The following ROBO2 variants were observed in gnomAD, a reference collection of about 807,000 sequenced individuals.
The protein encoded by ROBO2 is roundabout guidance receptor 2.
In ROBO2, 53 loss-of-function variants were observed where a neutral mutation model predicts 160.8. That is an observed-to-expected ratio of 0.33 (90% CI 0.26 to 0.41). The LOEUF (loss-of-function observed/expected upper bound fraction) is 0.41, where lower values mean the gene tolerates loss of function less well. Ranked by LOEUF, ROBO2 falls within the 10% of genes least tolerant of loss-of-function variation. The pLI, the probability that ROBO2 is intolerant of heterozygous loss-of-function variation, is 1.00. For missense variants in ROBO2, 1,577 were observed against 1,722.4 expected (o/e 0.92, Z 1.49); for synonymous variants, 664 against 611.7 (o/e 1.09, Z -1.26).
rs2149154042 is a variant in ROBO2 at position 76,948,114 on chromosome 3, A to G, written c.110-149900A>G. On this transcript the variant is annotated intron_variant, in intron 2 of 26. Transcript: ENST00000487694. ...TATTTATCCCACATCCTGGAATGAT[A>G]ATTTAGGCAAACACAAAATTTTAAG... Among the ~76,000 whole-genome samples, 2 of 152,302 alleles carry G rather than the reference A, an allele frequency of 1.3e-5. 1 individual carries two copies. Among genetic ancestry groups the G allele is most frequent in the South Asian group, 4.1e-4 (2 of 4,830 alleles).
chr3:76,907,864 G>A (rs913751008), intron 2 of ROBO2, among the ~76,000 whole-genome samples: 7 of 151,010 alleles, frequency 4.6e-5, no homozygotes, highest in African/African-American at 1.5e-4. Flanking sequence ...GTTTGAGATG[G>A]AGTCTTGCTC....
chr3:77,451,484 T>C (rs1180793757), intron 2 of ROBO2, among the ~76,000 whole-genome samples: 1 of 152,124 alleles, frequency 6.6e-6, no homozygotes, highest in Non-Finnish European at 1.5e-5. Flanking sequence ...TTAACGAAGG[T>C]CCATAGGGTA....
At position 76,272,967 on chromosome 3, in the gene ROBO2, TATAA is replaced by T. The variant is rs1559706715; in HGVS notation, c.109+335367_109+335370del. On this transcript the variant is annotated intron_variant, in intron 2 of 26. Coordinates refer to the ROBO2 transcript ENST00000487694. ...ATAAAATATATAATATATATTTATA[TATAA>T]AATATATATAATATATAATATATAA... Among the ~76,000 whole-genome samples the T allele has an allele frequency of 3.7e-5, 3 of 80,826 alleles. 1 individual carries two copies. The highest frequency in any genetic ancestry group is 6.7e-5 in the Non-Finnish European group (3 of 44,608). 53.0% of individuals were successfully genotyped at this position (80,826 alleles called of 152,430 possible). A position where few individuals can be genotyped will look rare whatever the true frequency, so the allele number is the denominator to read the frequency against.
intron 24 of ROBO2, among the ~76,000 whole-genome samples, chr3:77,640,586 G>A (rs1335930002): frequency 1.3e-5 from 2 of 152,080 alleles, no homozygotes; most frequent in Admixed American, 6.6e-5. Flanking sequence ...TCATTTTCTT[G>A]TCTAAAAACA....
intron 2 of ROBO2, among the ~76,000 whole-genome samples, chr3:76,445,660 G>A (rs1394245818): frequency 6.6e-6 from 1 of 152,004 alleles, no homozygotes; most frequent in South Asian, 2.1e-4. Context: ...GGCAAACCGA[G>A]TCCAGCAACT....
At chr3:76,110,520 G>A (rs911749199) in intron 2 of ROBO2, among the ~76,000 whole-genome samples, 1 of 152,158 alleles carries the variant, frequency 6.6e-6, no homozygotes, top group Admixed American at 6.5e-5. Flanking sequence ...GATTTGAAAG[G>A]TTAAATATAA....
At chr3:76,808,377 A>G (rs1390353428) in intron 2 of ROBO2, among the ~76,000 whole-genome samples, 2 of 152,132 alleles carry the variant, frequency 1.3e-5, no homozygotes, top group Non-Finnish European at 1.5e-5. Flanking sequence ...TTATGAGTTT[A>G]TTCAGCAAGT....
chr3:76,594,277 C>T (rs1357298475), intron 2 of ROBO2, among the ~76,000 whole-genome samples: 3 of 151,992 alleles, frequency 2.0e-5, no homozygotes, highest in Admixed American at 2.0e-4. Flanking sequence ...TAATGCTTTG[C>T]TCTCAGTCTC....
intron 2 of ROBO2, among the ~76,000 whole-genome samples, chr3:76,212,270 C>T (rs1411596474): frequency 1.3e-5 from 2 of 151,756 alleles, no homozygotes; most frequent in Admixed American, 1.3e-4. Flanking sequence ...GAACATGGTC[C>T]TTCCTGAAGA....
intron 2 of ROBO2, among the ~76,000 whole-genome samples, chr3:76,667,297 A>G (rs928341082): frequency 6.6e-6 from 1 of 152,198 alleles, no homozygotes; most frequent in African/African-American, 2.4e-5. Context: ...AATACAATTT[A>G]ACTAAAATAT....
intron 2 of ROBO2, among the ~76,000 whole-genome samples, chr3:76,400,282 C>G (rs766533270): frequency 2.6e-5 from 4 of 151,504 alleles, no homozygotes; most frequent in Non-Finnish European, 5.9e-5. Flanking sequence ...TTCATTTCTG[C>G]CAGTGAGATA....
At chr3:76,357,803 C>G (rs1327634858) in intron 2 of ROBO2, among the ~76,000 whole-genome samples, 1 of 151,106 alleles carries the variant, frequency 6.6e-6, no homozygotes, top group Non-Finnish European at 1.5e-5. Flanking sequence ...CAATATATAA[C>G]TAAGAATTAA....
At chr3:75,931,774 T>C (rs1292991919) in intron 1 of ROBO2, among the ~76,000 whole-genome samples, 2 of 152,136 alleles carry the variant, frequency 1.3e-5, no homozygotes, top group African/African-American at 4.8e-5. Context: ...TGCTTGACTT[T>C]GCATGTGAAT....
intron 1 of ROBO2, among the ~76,000 whole-genome samples, chr3:77,085,984 T>C (rs1443225572): frequency 6.6e-6 from 1 of 152,078 alleles, no homozygotes; most frequent in Non-Finnish European, 1.5e-5. Context: ...AAACTTATAA[T>C]GGAAAAGCAA....
At chr3:77,363,909 G>T (rs1245749756) in intron 2 of ROBO2, among the ~76,000 whole-genome samples, 2 of 152,082 alleles carry the variant, frequency 1.3e-5, no homozygotes, top group East Asian at 1.9e-4. Flanking sequence ...ACAGGGGGCT[G>T]GGAGAAGGGC....
intron 2 of ROBO2, among the ~76,000 whole-genome samples, chr3:76,146,723 T>TGA (rs1286463325): frequency 3.1e-4 from 47 of 149,644 alleles, no homozygotes; most frequent in African/African-American, 1.1e-3. Flanking sequence ...TGTGTGTGTG[T>TGA]GTGTCTGGTG....
At chr3:77,558,903 G>C (rs2093225994) in intron 9 of ROBO2, among the ~76,000 whole-genome samples, 2 of 152,114 alleles carry the variant, frequency 1.3e-5, no homozygotes, top group Non-Finnish European at 2.9e-5. Context: ...TGACTGAGCT[G>C]TGTCTTTTGC....
chr3:77,332,371 C>T (rs962566812), intron 2 of ROBO2, among the ~76,000 whole-genome samples: 25 of 152,080 alleles, frequency 1.6e-4, no homozygotes, highest in African/African-American at 5.8e-4. Flanking sequence ...TCTTCATGAT[C>T]GGGTCTGGTC....
chr3:76,770,886 A>G (rs571055521), intron 2 of ROBO2, among the ~76,000 whole-genome samples: 1 of 151,204 alleles, frequency 6.6e-6, no homozygotes, highest in Admixed American at 6.6e-5. Flanking sequence ...TAAAAGAAGG[A>G]TGCTCCGATA....
Sources: gnomAD v4.1 joint callset for allele counts (sites outside exome capture counted in the v4.1 genomes callset) on GRCh38, gnomAD v4.1.1 for gene constraint, MANE v1.5 for transcripts, NCBI Gene and HGNC (gene_info 2026-07-23, HGNC 2026-07-21) for gene names.